Variants in CAPZA1 observed in about 807,000 individuals in gnomAD.
The protein encoded by CAPZA1 is F-actin-capping protein subunit alpha-1.
In CAPZA1, 10 loss-of-function variants were observed where a neutral mutation model predicts 40.8. The ratio of observed to expected loss-of-function variants is 0.25; its 90% CI spans 0.15 to 0.42. The LOEUF is 0.42. Ranked by LOEUF, CAPZA1 falls within the 10% of genes least tolerant of loss-of-function variation. The pLI, the probability that CAPZA1 is intolerant of heterozygous loss-of-function variation, is 1.00. For missense variants in CAPZA1, 277 were observed against 353.8 expected (o/e 0.78, Z 1.74); for synonymous variants, 98 against 115.0 (o/e 0.85, Z 0.95).
chr1:112,645,479 T>A (rs1036990855), intron 1 of CAPZA1, among the ~76,000 whole-genome samples: 8 of 151,858 alleles, frequency 5.3e-5, no homozygotes, highest in African/African-American at 9.7e-5. Flanking sequence ...TAAAATTTTT[T>A]AAAAATTAGC....
At chr1:112,669,350 T>C (rs1671785556) in intron 8 of CAPZA1, among the ~76,000 whole-genome samples, 193 bp from the exon 9 acceptor site, 2 of 152,156 alleles carry the variant, frequency 1.3e-5, no homozygotes, top group African/African-American at 4.8e-5. Context: ...ATCTGCAAAA[T>C]GGGGGTTATG....
intron 1 of CAPZA1, among the ~76,000 whole-genome samples, chr1:112,635,690 G>A (rs754058935): frequency 3.3e-5 from 5 of 151,928 alleles, no homozygotes; most frequent in Non-Finnish European, 7.4e-5. Flanking sequence ...TGAAAGTGCT[G>A]GGATTATAGG....
At chr1:112,657,046 C>T (rs983969655) in intron 5 of CAPZA1, among the ~76,000 whole-genome samples, 4 of 151,828 alleles carry the variant, frequency 2.6e-5, no homozygotes, top group East Asian at 1.9e-4. Flanking sequence ...GAATTACAGG[C>T]GCCTGCCACC....
At chr1:112,645,821 G>A (rs1419372916) in intron 1 of CAPZA1, among the ~76,000 whole-genome samples, 6 of 151,886 alleles carry the variant, frequency 4.0e-5, no homozygotes, top group Non-Finnish European at 8.8e-5. Flanking sequence ...GTTATGCTGG[G>A]CCTGTTGATG....
intron 1 of CAPZA1, among the ~76,000 whole-genome samples, chr1:112,629,468 A>G (rs1270111516): frequency 6.6e-6 from 1 of 152,212 alleles, no homozygotes; most frequent in Non-Finnish European, 1.5e-5. Context: ...TGAGGACAGT[A>G]TGCTAGTGAG....
chr1:112,627,690 C>T lies in CAPZA1; in HGVS notation c.39+7807C>T, dbSNP rs911745307. On this transcript the variant is annotated intron_variant, in intron 1 of 9. Coordinates refer to ENST00000263168, the MANE Select transcript of CAPZA1 (RefSeq NM_006135.3). ...AAGAAGGGCCAGGCGTAGTGGTTCACGCCTGTAATCCCAGCACTTTGGGAC... is the reference window on the plus strand; with the variant it reads ...AAGAAGGGCCAGGCGTAGTGGTTCATGCCTGTAATCCCAGCACTTTGGGAC... Among the ~76,000 whole-genome samples the T allele has an allele frequency of 5.6e-5, 8 of 142,254 alleles. No homozygotes were observed. In the East Asian group the frequency reaches 1.1e-3, roughly 19 times the overall value. 93.3% of individuals were successfully genotyped at this position (142,254 alleles called of 152,430 possible).
chr1:112,622,180 A>C (rs1453016297), intron 1 of CAPZA1, among the ~76,000 whole-genome samples: 1 of 152,060 alleles, frequency 6.6e-6, no homozygotes, highest in African/African-American at 2.4e-5. Context: ...AAGGCAGTGA[A>C]CCTTTAGAAA....
intron 5 of CAPZA1, among the ~76,000 whole-genome samples, chr1:112,655,549 T>C (rs1671481867): frequency 6.6e-6 from 1 of 152,098 alleles, no homozygotes; most frequent in African/African-American, 2.4e-5. Flanking sequence ...GTTGTTGTTT[T>C]TGCTGTTGTT....
chr1:112,669,903 A>C, intron 9 of CAPZA1, 89 bp from the exon 10 acceptor site: 3 of 1,419,486 alleles, frequency 2.1e-6, no homozygotes, highest in Non-Finnish European at 3.0e-6. Context: ...CAGGGGACTC[A>C]AGCATATCCA....
At chr1:112,667,397 A>G (rs185776148) in intron 8 of CAPZA1, among the ~76,000 whole-genome samples, 23 of 152,342 alleles carry the variant, frequency 1.5e-4, no homozygotes, top group Admixed American at 1.4e-3. Context: ...TAGTTACTCA[A>G]GGACAGCAAT....
At chr1:112,623,716 G>A (rs774194516) in intron 1 of CAPZA1, among the ~76,000 whole-genome samples, 11 of 148,948 alleles carry the variant, frequency 7.4e-5, no homozygotes, top group African/African-American at 2.5e-4. Flanking sequence ...GCCCGGGCGC[G>A]GTGGTTCATG....
chr1:112,658,067 A>C (rs1671533538), intron 5 of CAPZA1, among the ~76,000 whole-genome samples: 4 of 152,222 alleles, frequency 2.6e-5, no homozygotes, highest in Admixed American at 2.0e-4. Flanking sequence ...CTTAGGCAAG[A>C]AGCTTTGTGA....
chr1:112,651,341 C>T (rs1342203379), intron 3 of CAPZA1, among the ~76,000 whole-genome samples: 5 of 152,204 alleles, frequency 3.3e-5, no homozygotes, highest in African/African-American at 1.2e-4. Context: ...AGAATAATCA[C>T]TAGCTCCTGT....
chr1:112,660,682 C>T (rs1267156613), intron 7 of CAPZA1, among the ~76,000 whole-genome samples: 3 of 152,148 alleles, frequency 2.0e-5, no homozygotes, highest in Admixed American at 2.0e-4. Context: ...AATATCCTAG[C>T]AGAGGTTTGA....
rs370729797 is a variant in CAPZA1 at position 112,664,797 on chromosome 1, TG to T, written c.586-2275del. 2.7e-3 allele frequency among the ~76,000 whole-genome samples: 405 copies of T among 152,108 alleles called. 2 individuals are homozygous for T. Among genetic ancestry groups the T allele is most frequent in the African/African-American group, 9.4e-3 (391 of 41,486 alleles). ...TAAAAATACAAAAGTTAGCCGGGCG[TG>T]GTTGCGGGTGCCTGTAATCCCAGCT... is the stretch of plus-strand genomic sequence containing the variant. On this transcript the variant is annotated intron_variant, in intron 7 of 9. Coordinates refer to ENST00000263168, the MANE Select transcript of CAPZA1 (RefSeq NM_006135.3).
At chr1:112,629,196 C>G (rs1670873084) in intron 1 of CAPZA1, among the ~76,000 whole-genome samples, 1 of 152,152 alleles carries the variant, frequency 6.6e-6, no homozygotes, top group South Asian at 2.1e-4. Context: ...GGTCTTTGTT[C>G]CAATCACGTA....
At chr1:112,648,347 C>CTTTTT (rs35670246) in intron 2 of CAPZA1, among the ~76,000 whole-genome samples, 51 of 99,394 alleles carry the variant, frequency 5.1e-4, no homozygotes, top group Admixed American at 6.6e-4. Flanking sequence ...TTGAATTTTT[C>CTTTTT]TTTTTTTTTT....
Position 112,654,537 on chromosome 1 carries a change from T to A in CAPZA1, c.292T>A (p.Phe98Ile). 6.2e-7 allele frequency: 1 copy of A among 1,614,078 alleles called. No individual in the cohort carries two copies. Among genetic ancestry groups the A allele is most frequent in the Non-Finnish European group, 8.5e-7 (1 of 1,179,976 alleles). Reference protein sequence around the residue: ...LDPRNKISFKFDHLRKEASDP... With the variant: ...LDPRNKISFKIDHLRKEASDP... The stretch of plus-strand genomic sequence containing the variant: ...TCCAAGAAACAAAATTTCCTTTAAA[T>A]TTGACCACTTACGGAAAGAAGCAAG... The change falls in exon 5 of 10, where the codon TTT becomes ATT. Residue 98 changes from phenylalanine to isoleucine, a missense_variant. Physicochemically the swap from Phe to Ile is conservative, Grantham distance 21. Around this residue, in one of 2 missense-constraint regions of CAPZA1, gnomAD observed 192 missense variants for 277.2 expected, o/e 0.69. Transcript: ENST00000263168.
intron 1 of CAPZA1, among the ~76,000 whole-genome samples, chr1:112,636,370 A>G (rs1201281680): frequency 6.6e-6 from 1 of 152,228 alleles, no homozygotes; most frequent in Non-Finnish European, 1.5e-5. Context: ...ATTGAAATTT[A>G]GGAAATCTTA....
Sources: allele counts gnomAD v4.1 joint callset (sites outside exome capture counted in the v4.1 genomes callset), GRCh38; gene constraint gnomAD v4.1.1; regional missense constraint gnomAD v4.1.1; transcripts MANE v1.5; gene names NCBI Gene and HGNC (gene_info 2026-07-23, HGNC 2026-07-21).